RBMS3: variants seen among roughly 807,000 people sequenced by gnomAD.
RBMS3 encodes the protein RNA-binding motif, single-stranded-interacting protein 3.
A neutral mutation model predicts 66.8 loss-of-function variants in RBMS3; 27 were observed. The ratio of observed to expected loss-of-function variants is 0.40; its 90% confidence interval spans 0.30 to 0.56. RBMS3 has a LOEUF of 0.56. Ranked by LOEUF, RBMS3 falls within the 20% of genes least tolerant of loss-of-function variation. The pLI is 0.40. For missense variants in RBMS3, 513 were observed against 549.5 expected, an observed-to-expected ratio of 0.93 and a Z score of 0.66; for synonymous variants, 188 against 183.0, an observed-to-expected ratio of 1.03 and a Z score of -0.22.
intron 10 of RBMS3, among the ~76,000 whole-genome samples, chr3:29,913,396 C>A (rs9876178): frequency 0.015 from 2,315 of 152,036 alleles, 61 homozygotes; most frequent in African/African-American, 0.052. Flanking sequence ...ACAAATAGTT[C>A]AGTTGGCGTC....
At chr3:29,434,597 C>T (rs1559358409) in intron 1 of RBMS3, 146 bp from the exon 2 acceptor site, 2 of 1,152,458 alleles carry the variant, frequency 1.7e-6, no homozygotes, top group African/African-American at 1.6e-5. Flanking sequence ...TTGAATGCAA[C>T]AGAGAGTAGT....
At position 29,682,110 on chromosome 3, in the gene RBMS3, G is replaced by A. The variant is rs939693153; in HGVS notation, c.400-57610G>A. ...CTTTCTTTGTGCTCACCAATCTTAC[G>A]AAAGGATGGCTTGATGCAGGAAGGC... On this transcript the variant is annotated intron_variant, in intron 4 of 14. Transcript: ENST00000383767. 2.6e-5 allele frequency among the ~76,000 whole-genome samples: 4 copies of A among 152,128 alleles called. 1 individual carries two copies. The highest frequency in any genetic ancestry group is 6.3e-3 in the Middle Eastern group (2 of 316).
intron 4 of RBMS3, among the ~76,000 whole-genome samples, chr3:29,599,107 A>G (rs1226315566): frequency 6.6e-6 from 1 of 151,930 alleles, no homozygotes; most frequent in Non-Finnish European, 1.5e-5. Flanking sequence ...TCAAATTATC[A>G]AAAGAATGAG....
Position 29,296,358 on chromosome 3 carries a change from A to G in RBMS3, c.75+14602A>G, listed in dbSNP as rs987874760. Among the ~76,000 whole-genome samples the G allele has an allele frequency of 5.9e-5, 9 of 151,874 alleles. No individual in the cohort carries two copies. In the South Asian group the frequency reaches 1.7e-3, roughly 28 times the overall value. On this transcript the variant is annotated intron_variant, in intron 1 of 14. Transcript: ENST00000383767. ...TGGAAATCAGAATTTTTATTTTTAC[A>G]TTATTATCTTGGGAATGTGTACAAC... is the stretch of plus-strand genomic sequence containing the variant.
chr3:29,741,184 C>T (rs1241968640), intron 5 of RBMS3, among the ~76,000 whole-genome samples: 2 of 152,084 alleles, frequency 1.3e-5, no homozygotes, highest in Admixed American at 1.3e-4. Context: ...GAAAATTCTT[C>T]TTATTCTCCA....
intron 2 of RBMS3, among the ~76,000 whole-genome samples, chr3:29,482,261 A>G (rs545052500): frequency 6.6e-6 from 1 of 152,344 alleles, no homozygotes; most frequent in Non-Finnish European, 1.5e-5. Context: ...ACATAACCCA[A>G]CTATATAACC....
chr3:29,922,314 C>T (rs9310922), intron 10 of RBMS3, among the ~76,000 whole-genome samples: 80,678 of 150,202 alleles, frequency 0.54, 22,409 homozygotes, highest in Middle Eastern at 0.67. Context: ...GGTGAAACCC[C>T]GTCTCTACTA....
intron 4 of RBMS3, among the ~76,000 whole-genome samples, chr3:29,673,126 A>G (rs148795872): frequency 4.9e-4 from 75 of 152,362 alleles, no homozygotes; most frequent in African/African-American, 1.8e-3. Context: ...TGGAAACTGA[A>G]CAACCTGTTC....
At chr3:29,668,246 A>G (rs771509804) in intron 4 of RBMS3, among the ~76,000 whole-genome samples, 1 of 152,192 alleles carries the variant, frequency 6.6e-6, no homozygotes, top group Non-Finnish European at 1.5e-5. Flanking sequence ...AGAAATTGCT[A>G]CTTCCCCTAA....
chr3:29,501,109 T>C (rs2043950362), intron 3 of RBMS3, among the ~76,000 whole-genome samples: 1 of 152,152 alleles, frequency 6.6e-6, no homozygotes, highest in African/African-American at 2.4e-5. Flanking sequence ...TTGTGAGAAG[T>C]AATTTAAGAT....
chr3:29,559,486 G>T (rs182696078), intron 3 of RBMS3, among the ~76,000 whole-genome samples: 1 of 114,306 alleles, frequency 8.7e-6, no homozygotes, highest in South Asian at 3.0e-4. Flanking sequence ...ACCCCAGCCT[G>T]GGTGACAGAG....
At chr3:29,328,357 A>G (rs1350277347) in intron 1 of RBMS3, among the ~76,000 whole-genome samples, 1 of 152,182 alleles carries the variant, frequency 6.6e-6, no homozygotes, top group Non-Finnish European at 1.5e-5. Flanking sequence ...TTTTCTGTAA[A>G]TGTGAATAAA....
chr3:29,801,514 C>T (rs902935608), intron 6 of RBMS3, among the ~76,000 whole-genome samples: 5 of 150,526 alleles, frequency 3.3e-5, no homozygotes, highest in South Asian at 2.1e-4. Context: ...ATGATCTGCC[C>T]GCCTCGGCCT....
At chr3:29,376,857 A>T (rs2038497817) in intron 1 of RBMS3, among the ~76,000 whole-genome samples, 1 of 152,068 alleles carries the variant, frequency 6.6e-6, no homozygotes, top group Admixed American at 6.5e-5. Context: ...GTGAGCCGAG[A>T]TCGTGCCACT....
chr3:29,524,853 G>C (rs905796328), intron 3 of RBMS3, among the ~76,000 whole-genome samples: 18 of 151,998 alleles, frequency 1.2e-4, no homozygotes, highest in Admixed American at 2.0e-4. Flanking sequence ...AGCAGTTTTG[G>C]ACTAGCCAGG....
At chr3:29,778,936 C>T (rs1025644059) in intron 6 of RBMS3, among the ~76,000 whole-genome samples, 2 of 151,830 alleles carry the variant, frequency 1.3e-5, no homozygotes, top group Non-Finnish European at 3.0e-5. Flanking sequence ...AATTGAGTGT[C>T]ACTTCCCTCC....
In RBMS3 at chr3:30,007,097, G is replaced by A. The variant is rs776451520; in HGVS notation, c.*3235G>A. The A allele has an allele frequency of 6.6e-6, 1 of 151,880 alleles. No individual in the cohort carries two copies. The highest frequency in any genetic ancestry group is 1.5e-5 in the Non-Finnish European group (1 of 67,896). The allele number at this position is 151,880 out of a possible 1,614,324, so 9.4% of individuals were successfully genotyped here. ...TCAAATTTGCCCTGCTTTGTCTGTT[G>A]TCTTACCTAAGACTTGTTTTGAAGA... On this transcript the variant is annotated 3_prime_UTR_variant, in exon 15 of 15. Transcript: ENST00000383767.
At chr3:29,697,778 G>GT (rs2052347694) in intron 4 of RBMS3, among the ~76,000 whole-genome samples, 2 of 152,132 alleles carry the variant, frequency 1.3e-5, no homozygotes, top group East Asian at 1.9e-4. Context: ...AGTTGCGACT[G>GT]TTTTTTCTGC....
At chr3:29,686,221 C>A (rs1253665721) in intron 4 of RBMS3, among the ~76,000 whole-genome samples, 1 of 152,174 alleles carries the variant, frequency 6.6e-6, no homozygotes, top group Admixed American at 6.5e-5. Flanking sequence ...TTACTCTAAT[C>A]AGTACATTCT....
Sources: allele counts gnomAD v4.1 joint callset (sites outside exome capture counted in the v4.1 genomes callset), GRCh38; gene constraint gnomAD v4.1.1; transcripts MANE v1.5; gene names NCBI Gene and HGNC (gene_info 2026-07-23, HGNC 2026-07-21).